The following SLC24A2 variants were observed in gnomAD, a reference collection of about 807,000 sequenced individuals.
SLC24A2 encodes solute carrier family 24 member 2, also known as sodium/potassium/calcium exchanger 2.
SLC24A2 carries 36 observed loss-of-function variants against 62.0 expected under a neutral mutation model. That is an observed-to-expected ratio of 0.58 (90% CI 0.44 to 0.77). The LOEUF is 0.77. SLC24A2 is among the 30% of genes least tolerant of loss of function. SLC24A2 has a pLI of 0.00. For missense variants in SLC24A2, 846 were observed against 817.9 expected, an observed-to-expected ratio of 1.03 and a Z score of -0.42; for synonymous variants, 358 against 294.0, an observed-to-expected ratio of 1.22 and a Z score of -2.23.
chr9:19,978,642 C>A, the SLC24A2 span, among the ~76,000 whole-genome samples: 1 of 151,896 alleles, frequency 6.6e-6, no homozygotes, highest in East Asian at 1.9e-4. Flanking sequence ...CAATTGACTC[C>A]CAACTTTCTT....
the SLC24A2 span, among the ~76,000 whole-genome samples, chr9:20,038,543 G>A: frequency 1.3e-5 from 2 of 150,064 alleles, no homozygotes; most frequent in South Asian, 4.2e-4. Flanking sequence ...TGCTGAGTGT[G>A]AGGCACTTTT....
At chr9:19,992,026 A>C in the SLC24A2 span, among the ~76,000 whole-genome samples, 2 of 152,238 alleles carry the variant, frequency 1.3e-5, no homozygotes, top group African/African-American at 4.8e-5. Flanking sequence ...GTATGCTTCA[A>C]CCATCTATGT....
chr9:19,615,992 G>A (rs1048314194), intron 4 of SLC24A2, among the ~76,000 whole-genome samples: 5 of 109,066 alleles, frequency 4.6e-5, no homozygotes, highest in Admixed American at 1.1e-4. Flanking sequence ...ATTCACAGGC[G>A]TGCACACACA....
chr9:19,898,089 T>C, the SLC24A2 span, among the ~76,000 whole-genome samples: 4 of 152,170 alleles, frequency 2.6e-5, no homozygotes, highest in Non-Finnish European at 4.4e-5. Context: ...CAGAGGGTCA[T>C]AGAATAATCC....
intron 2 of SLC24A2, among the ~76,000 whole-genome samples, chr9:19,740,677 G>C (rs1821647769): frequency 2.0e-5 from 3 of 152,172 alleles, no homozygotes; most frequent in Admixed American, 2.0e-4. Context: ...CTAAACATCT[G>C]GAATTATTTA....
chr9:19,588,439 G>A (rs544386309), intron 5 of SLC24A2, among the ~76,000 whole-genome samples: 1 of 151,892 alleles, frequency 6.6e-6, no homozygotes, highest in African/African-American at 2.4e-5. Flanking sequence ...AGGTATGAAG[G>A]GCACACACTG....
At chr9:19,922,428 A>G in the SLC24A2 span, among the ~76,000 whole-genome samples, 3 of 152,156 alleles carry the variant, frequency 2.0e-5, no homozygotes, top group Non-Finnish European at 4.4e-5. Context: ...ATTTTCCTAG[A>G]CATTTAAATT....
At chr9:19,984,839 A>G in the SLC24A2 span, among the ~76,000 whole-genome samples, 1 of 152,228 alleles carries the variant, frequency 6.6e-6, no homozygotes, top group South Asian at 2.1e-4. Context: ...CATGCAAAAT[A>G]GTAAAGTTGG....
At chr9:20,255,710 T>C in the SLC24A2 span, among the ~76,000 whole-genome samples, 310 of 152,286 alleles carry the variant, frequency 2.0e-3, 2 homozygotes, top group African/African-American at 7.0e-3. Context: ...GAGTTGGTCC[T>C]AGAAAATGGC....
At chr9:20,088,774 G>A in the SLC24A2 span, among the ~76,000 whole-genome samples, 5,858 of 152,112 alleles carry the variant, frequency 0.039, 177 homozygotes, top group Middle Eastern at 0.088. Flanking sequence ...CCTCTGCATC[G>A]GGGTCCCCAG....
intron 2 of SLC24A2, among the ~76,000 whole-genome samples, chr9:19,704,967 C>A (rs1444086851): frequency 1.3e-5 from 2 of 152,122 alleles, no homozygotes; most frequent in African/African-American, 4.8e-5. Flanking sequence ...AGCAATGTCA[C>A]TTAGAAGTTG....
At chr9:19,665,667 C>A (rs1418575714) in intron 2 of SLC24A2, among the ~76,000 whole-genome samples, 1 of 152,034 alleles carries the variant, frequency 6.6e-6, no homozygotes, top group East Asian at 1.9e-4. Flanking sequence ...GCTCTGTCAC[C>A]CAGGCTGGAG....
chr9:19,857,361 C>A, the SLC24A2 span, among the ~76,000 whole-genome samples: 2 of 152,176 alleles, frequency 1.3e-5, no homozygotes, highest in African/African-American at 4.8e-5. Flanking sequence ...ATCCCCAAAT[C>A]CTCAATTACA....
At chr9:20,019,473 A>G in the SLC24A2 span, among the ~76,000 whole-genome samples, 3 of 152,180 alleles carry the variant, frequency 2.0e-5, no homozygotes, top group Admixed American at 6.5e-5. Flanking sequence ...CAGGTTTGTC[A>G]AAGATTAGAT....
the SLC24A2 span, among the ~76,000 whole-genome samples, chr9:19,960,494 C>T: frequency 6.6e-6 from 1 of 152,176 alleles, no homozygotes; most frequent in Non-Finnish European, 1.5e-5. Context: ...CCTTGTGAGA[C>T]TGGAACCTTG....
At chr9:19,979,498 G>C in the SLC24A2 span, among the ~76,000 whole-genome samples, 1 of 152,170 alleles carries the variant, frequency 6.6e-6, no homozygotes, top group Non-Finnish European at 1.5e-5. Flanking sequence ...TATTGTTTTA[G>C]GGCAGGTACT....
chr9:19,771,705 G>C (rs1473152016), intron 2 of SLC24A2, among the ~76,000 whole-genome samples: 1 of 152,212 alleles, frequency 6.6e-6, no homozygotes, highest in Non-Finnish European at 1.5e-5. Context: ...TTTGTATAAA[G>C]CATGATCATG....
At chr9:19,936,359 G>A in the SLC24A2 span, among the ~76,000 whole-genome samples, 27 of 152,262 alleles carry the variant, frequency 1.8e-4, no homozygotes, top group Admixed American at 1.1e-3. Context: ...CTGCAGCCTT[G>A]ACCTCCCAGG....
chr9:19,973,624 C>T, the SLC24A2 span, among the ~76,000 whole-genome samples: 1 of 152,122 alleles, frequency 6.6e-6, no homozygotes, highest in Non-Finnish European at 1.5e-5. Flanking sequence ...TGTGAATAAT[C>T]CATAACTCAC....
Sources: gnomAD v4.1 joint callset for allele counts (sites outside exome capture counted in the v4.1 genomes callset) on GRCh38, gnomAD v4.1.1 for gene constraint, MANE v1.5 for transcripts, NCBI Gene and HGNC (gene_info 2026-07-23, HGNC 2026-07-21) for gene names.